The following NPIPB8 variants were observed in gnomAD, a reference collection of about 807,000 sequenced individuals.
NPIPB8 encodes nuclear pore complex interacting protein family member B8, also known as nuclear pore complex-interacting protein family member B8.
A neutral mutation model predicts 5.3 loss-of-function variants in NPIPB8; 3 were observed. That is an observed-to-expected ratio of 0.57 (90% CI 0.26 to 1.47). The LOEUF (loss-of-function observed/expected upper bound fraction) is 1.47, where lower values mean the gene tolerates loss of function less well. Among genes scored for constraint, NPIPB8 ranks in the 40% most tolerant of loss-of-function variants. The probability of loss-of-function intolerance (pLI) is 0.13; values close to 1 mark genes in which losing one functional copy is unlikely to be tolerated. For missense variants in NPIPB8, 50 were observed against 50.2 expected (o/e 1.00, Z 0.01); for synonymous variants, 18 against 23.0 (o/e 0.78, Z 0.62).
intron 3 of NPIPB8, among the ~76,000 whole-genome samples, chr16:28,651,671 T>C (rs2048046445): frequency 1.1e-5 from 1 of 94,764 alleles, no homozygotes; most frequent in African/African-American, 5.4e-5. Flanking sequence ...ATTCTGTCGC[T>C]CAGGCTGGAG....
intron 5 of NPIPB8, among the ~76,000 whole-genome samples, chr16:28,652,947 C>T (rs375091919): frequency 0.03 from 3,850 of 126,878 alleles, 165 homozygotes; most frequent in Non-Finnish European, 0.039. Context: ...CTCGCTCTGT[C>T]GCCCAGGCTG....
intron 3 of NPIPB8, among the ~76,000 whole-genome samples, chr16:28,651,703 C>T (rs1321893612): frequency 1.1e-5 from 1 of 88,302 alleles, no homozygotes; most frequent in Non-Finnish European, 2.2e-5. Flanking sequence ...GATCTCGGCT[C>T]ACTGCAACCT....
At chr16:28,640,745 T>C (rs2047882288) in intron 2 of NPIPB8, among the ~76,000 whole-genome samples, 1 of 152,102 alleles carries the variant, frequency 6.6e-6, no homozygotes, top group Non-Finnish European at 1.5e-5. Context: ...ACCAGCATGA[T>C]TAAACGGAGT....
At chr16:28,645,021 T>C in intron 2 of NPIPB8, among the ~76,000 whole-genome samples, 1 of 100,044 alleles carries the variant, frequency 1.0e-5, no homozygotes, top group East Asian at 2.3e-4. Context: ...ATTTGATTTG[T>C]GTCATCTGGT....
At position 28,638,419 on chromosome 16, in the gene NPIPB8, T is replaced by A; in HGVS notation, c.59T>A (p.Leu20His). ...PQFLSHDQGQ[L>H]TKELQQHVKS... Reference sequence around the variant, plus strand: ...TTCCTGTCCCATGACCAGGGCCAGCTCACCAAGGAGCTGCAGCAGCATGTA... The same window carrying A: ...TTCCTGTCCCATGACCAGGGCCAGCACACCAAGGAGCTGCAGCAGCATGTA... The change falls in exon 2 of 8, where the codon CTC becomes CAC. Residue 20 changes from leucine to histidine, a missense_variant. Coordinates refer to ENST00000683297, the MANE Select transcript of NPIPB8 (RefSeq NM_001310136.2). The A allele has an allele frequency of 6.4e-7, 1 of 1,572,764 alleles. No individual in the cohort carries two copies. The highest frequency in any genetic ancestry group is 1.1e-5 in the South Asian group (1 of 88,190).
Position 28,639,678 on chromosome 16 carries a change from C to T in NPIPB8, c.120+1198C>T, listed in dbSNP as rs1239981044. On this transcript the variant is annotated intron_variant, in intron 2 of 7. Coordinates refer to ENST00000683297, the MANE Select transcript of NPIPB8 (RefSeq NM_001310136.2). ...ACCATATTGGCCAGGCTCGTGTCAA[C>T]TCCTGACCTCGTGATCTGCCCACCG... 2.8e-5 allele frequency among the ~76,000 whole-genome samples: 4 copies of T among 144,862 alleles called. No homozygotes were observed. In the East Asian group the frequency reaches 5.9e-4, roughly 21 times the overall value.
intron 5 of NPIPB8, among the ~76,000 whole-genome samples, chr16:28,653,259 G>C (rs2048075507): frequency 1.3e-5 from 1 of 76,996 alleles, no homozygotes; most frequent in Non-Finnish European, 2.4e-5. Context: ...TCTTAGTAGA[G>C]GCATAGACTT....
rs533825986 is a variant in NPIPB8 at position 28,651,604 on chromosome 16, TTGTGTGTG to T, written c.304-318_304-311del. 1.9e-3 allele frequency among the ~76,000 whole-genome samples: 75 copies of T among 39,156 alleles called. 6 individuals are homozygous for T. Among genetic ancestry groups the T allele is most frequent in the East Asian group, 0.011 (20 of 1,880 alleles). 25.7% of individuals were successfully genotyped at this position (39,156 alleles called of 152,430 possible). ...CCACCGTGCCAGCCTCATGTCATTCTTGTGTGTGTGTGTGTGTGTGTGTGTGTGTGTGT... is the reference window on the plus strand; with the variant it reads ...CCACCGTGCCAGCCTCATGTCATTCTTGTGTGTGTGTGTGTGTGTGTGTGT... On this transcript the variant is annotated intron_variant, in intron 3 of 7. Transcript: ENST00000683297.
At chr16:28,642,518 T>A (rs1351531489) in intron 2 of NPIPB8, among the ~76,000 whole-genome samples, 1 of 150,852 alleles carries the variant, frequency 6.6e-6, no homozygotes, top group African/African-American at 2.4e-5. Context: ...AGAGTCTCGC[T>A]CTGTCGCCTA....
chr16:28,645,232 T>G lies in NPIPB8; in HGVS notation c.121-2903T>G. ...TTTTAGTAGAGACGGGGTTTCACCA[T>G]GTTCGCCAGGATAGTCTCCATCTCT... On this transcript the variant is annotated intron_variant, in intron 2 of 7. Coordinates refer to ENST00000683297, the MANE Select transcript of NPIPB8 (RefSeq NM_001310136.2). Among the ~76,000 whole-genome samples, 2 of 117,720 alleles carry G rather than the reference T, an allele frequency of 1.7e-5. 1 individual carries two copies. The highest frequency in any genetic ancestry group is 3.7e-5 in the Non-Finnish European group (2 of 53,446). 77.2% of individuals were successfully genotyped at this position (117,720 alleles called of 152,430 possible).
chr16:28,637,901 T>C (rs1297441838), upstream of NPIPB8: 3 of 380,484 alleles, frequency 7.9e-6, no homozygotes, highest in Non-Finnish European at 1.2e-5. Context: ...TGTGATTAAA[T>C]AGGGTTATAA....
At chr16:28,644,526 C>A in intron 2 of NPIPB8, 3 of 1,348,920 alleles carry the variant, frequency 2.2e-6, no homozygotes, top group South Asian at 2.5e-5. Context: ...CTTCCCTCCC[C>A]CCTGCCCTAA....
Position 28,638,346 on chromosome 16 carries a change from G to A in NPIPB8, c.-15G>A. The stretch of plus-strand genomic sequence containing the variant: ...AGGTTGGCACTCATCATGAGCCCCT[G>A]TTCTCATTCTGCAAATGGTGAAGCT... On this transcript the variant is annotated 5_prime_UTR_variant, in exon 2 of 8. Transcript: ENST00000683297. The A allele has an allele frequency of 6.4e-7, 1 of 1,565,518 alleles. No homozygotes were observed. Among genetic ancestry groups the A allele is most frequent in the Middle Eastern group, 2.2e-4 (1 of 4,580 alleles).
intron 2 of NPIPB8, among the ~76,000 whole-genome samples, chr16:28,645,062 T>TTA (rs1596682157): frequency 1.8e-5 from 2 of 109,330 alleles, no homozygotes; most frequent in African/African-American, 3.9e-5. Context: ...TTTTTTTTTT[T>TTA]AGACAGAGTC....
At chr16:28,642,552 T>C (rs2047920611) in intron 2 of NPIPB8, among the ~76,000 whole-genome samples, 1 of 151,186 alleles carries the variant, frequency 6.6e-6, no homozygotes, top group Admixed American at 6.6e-5. Context: ...TGGTGCAATC[T>C]CGGCTCACTG....
At chr16:28,639,304 A>G (rs981038242) in intron 2 of NPIPB8, among the ~76,000 whole-genome samples, 3 of 149,890 alleles carry the variant, frequency 2.0e-5, no homozygotes, top group African/African-American at 7.4e-5. Context: ...AAAGTCCAAT[A>G]GTAATAATTA....
chr16:28,641,141 G>A (rs2047888770), intron 2 of NPIPB8, among the ~76,000 whole-genome samples: 1 of 151,862 alleles, frequency 6.6e-6, no homozygotes, highest in African/African-American at 2.4e-5. Context: ...CTTCCTCTTT[G>A]TTCCAATGGC....
intron 2 of NPIPB8, among the ~76,000 whole-genome samples, chr16:28,642,516 G>C (rs562709903): frequency 6.7e-6 from 1 of 149,304 alleles, no homozygotes; most frequent in African/African-American, 2.5e-5. Context: ...ACAGAGTCTC[G>C]CTCTGTCGCC....
At chr16:28,640,136 C>G (rs1414227914) in intron 2 of NPIPB8, among the ~76,000 whole-genome samples, 3 of 151,828 alleles carry the variant, frequency 2.0e-5, no homozygotes, top group Non-Finnish European at 4.4e-5. Flanking sequence ...GAACTGAAAC[C>G]TATGTGTGTC....
Sources: allele counts gnomAD v4.1 joint callset (sites outside exome capture counted in the v4.1 genomes callset), GRCh38; gene constraint gnomAD v4.1.1; transcripts MANE v1.5; gene names NCBI Gene and HGNC (gene_info 2026-07-23, HGNC 2026-07-21).